The following NCOR2 variants were observed in gnomAD, a reference collection of about 807,000 sequenced individuals.
The protein encoded by NCOR2 is nuclear receptor corepressor 2, also known as CTG repeat protein 26.
In NCOR2, 81 loss-of-function variants were observed where a neutral mutation model predicts 262.9. The ratio of observed to expected loss-of-function variants is 0.31; its 90% CI spans 0.26 to 0.37. The LOEUF (loss-of-function observed/expected upper bound fraction) is 0.37. NCOR2 is among the 10% of genes least tolerant of loss of function. The probability of loss-of-function intolerance (pLI) is 1.00; values close to 1 mark genes in which losing one functional copy is unlikely to be tolerated. For missense variants in NCOR2, 3,385 were observed against 3,621.4 expected, an observed-to-expected ratio of 0.93 and a Z score of 1.68; for synonymous variants, 1,659 against 1,559.3, an observed-to-expected ratio of 1.06 and a Z score of -1.51.
At chr12:124,343,216 C>A (rs374579887) in exon 33 of NCOR2, 53 of 1,607,440 alleles carry the variant, frequency 3.3e-5, no homozygotes, top group Non-Finnish European at 4.3e-5. Flanking sequence ...CCTTGCTGGA[C>A]GAAAGGCTGC....
intron 7 of NCOR2, among the ~76,000 whole-genome samples, chr12:124,446,587 G>A (rs1232891384): frequency 1.3e-5 from 2 of 152,080 alleles, no homozygotes; most frequent in African/African-American, 4.8e-5. Flanking sequence ...GCCAGCTGCT[G>A]CTCAGCCTAC....
chr12:124,467,886 ATCACCCTCT>A (rs2046554986), intron 4 of NCOR2, among the ~76,000 whole-genome samples: 1 of 35,804 alleles, frequency 2.8e-5, no homozygotes, highest in Non-Finnish European at 5.0e-5. Context: ...CCTCATCCTC[ATCACCCTCT>A]TCACCCTCAT....
At chr12:124,439,816 G>A (rs1309151397) in intron 7 of NCOR2, among the ~76,000 whole-genome samples, 1 of 151,976 alleles carries the variant, frequency 6.6e-6, no homozygotes, top group Non-Finnish European at 1.5e-5. Flanking sequence ...ATGAAACTAG[G>A]AGAGGGAAAG....
At chr12:124,385,450 GAC>G (rs2040735747) in intron 17 of NCOR2, among the ~76,000 whole-genome samples, 1 of 152,230 alleles carries the variant, frequency 6.6e-6, no homozygotes, top group African/African-American at 2.4e-5. Context: ...CACACCGTGA[GAC>G]AGGGCTGAGG....
intron 18 of NCOR2, among the ~76,000 whole-genome samples, chr12:124,375,141 G>A (rs2039887689): frequency 6.6e-6 from 1 of 152,242 alleles, no homozygotes; most frequent in Non-Finnish European, 1.5e-5. Context: ...AGGCCACGCT[G>A]TGGAGGGGAG....
At chr12:124,372,134 C>T (rs767851551) in exon 20 of NCOR2, 10 of 1,601,730 alleles carry the variant, frequency 6.2e-6, no homozygotes, top group South Asian at 1.1e-5. Flanking sequence ...CTGCCGCTCC[C>T]GCCCTCCTTC....
At chr12:124,354,849 G>A (rs1250252045) in exon 25 of NCOR2, 1 of 1,612,600 alleles carries the variant, frequency 6.2e-7, no homozygotes, top group South Asian at 1.1e-5. Context: ...AGCTTTTTGG[G>A]GTCCATGGGC....
In NCOR2 at chr12:124,483,373, C is replaced by G. The variant is rs1224044584; in HGVS notation, c.411+223G>C. Among the ~76,000 whole-genome samples, 1 of 152,166 alleles carries G rather than the reference C, an allele frequency of 6.6e-6. No individual in the cohort carries two copies. Among genetic ancestry groups the G allele is most frequent in the East Asian group, 1.9e-4 (1 of 5,184 alleles). ...CCTTTGCACTTGCTGCTCTGCCCAC[C>G]TGGAACACCTTCCCCACTTCTTCCC... On this transcript the variant is annotated intron_variant, in intron 3 of 46. Transcript: ENST00000405201. This position sits in a 1 kb window ranked among gnomAD's most constrained non-coding sequence, Gnocchi z 6.3.
chr12:124,441,765 G>A (rs2044825436), intron 7 of NCOR2, among the ~76,000 whole-genome samples: 1 of 152,232 alleles, frequency 6.6e-6, no homozygotes, highest in Admixed American at 6.5e-5. Flanking sequence ...CAGAGCAAAG[G>A]AGGGATAACT....
chr12:124,540,090 G>T (rs1306952401), upstream of NCOR2, among the ~76,000 whole-genome samples: 1 of 151,678 alleles, frequency 6.6e-6, no homozygotes, highest in African/African-American at 2.4e-5. Context: ...AAAGCTGAGG[G>T]TCTTAGGGGC....
chr12:124,350,955 C>T (rs1186722709), intron 27 of NCOR2, among the ~76,000 whole-genome samples: 3 of 152,218 alleles, frequency 2.0e-5, no homozygotes, highest in Admixed American at 1.3e-4. Flanking sequence ...CATGAGTGGA[C>T]GCTGTTCTGG....
At chr12:124,326,696 C>A (rs956014282) in intron 45 of NCOR2, among the ~76,000 whole-genome samples, 8 of 152,146 alleles carry the variant, frequency 5.3e-5, no homozygotes, top group Admixed American at 5.2e-4. Flanking sequence ...TGAAGCTGGG[C>A]TTCCAGTTTG....
At chr12:124,386,064 A>T (rs2040781066) in intron 16 of NCOR2, among the ~76,000 whole-genome samples, 177 bp from the exon 19 acceptor site, 1 of 151,906 alleles carries the variant, frequency 6.6e-6, no homozygotes. Flanking sequence ...CCTAGCGGGG[A>T]AGGTACTAGA....
rs1268835570 is a variant in NCOR2, at chr12:124,440,034, C to A, written c.816-2038G>T. Among the ~76,000 whole-genome samples the A allele has an allele frequency of 1.3e-5, 2 of 151,930 alleles. 1 individual carries two copies. The highest frequency in any genetic ancestry group is 3.9e-4 in the East Asian group (2 of 5,156). ...CCAGGCCCCTCCCCACGGTCTCCAA[C>A]ACACAAAGCAGGGTGCTGCAGCTGG... is the stretch of plus-strand genomic sequence containing the variant. On this transcript the variant is annotated intron_variant, in intron 7 of 46. Coordinates refer to ENST00000405201, the Ensembl canonical transcript of NCOR2. This position sits in a 1 kb window ranked among gnomAD's most constrained non-coding sequence, Gnocchi z 5.7.
At chr12:124,532,857 C>T (rs1417873625) in intron 1 of NCOR2, among the ~76,000 whole-genome samples, 2 of 144,208 alleles carry the variant, frequency 1.4e-5, no homozygotes, top group African/African-American at 2.6e-5. Flanking sequence ...GGACCGCCAC[C>T]GTCCCACTCC....
At chr12:124,444,484 G>A (rs907695165) in intron 7 of NCOR2, among the ~76,000 whole-genome samples, 8 of 152,164 alleles carry the variant, frequency 5.3e-5, no homozygotes, top group African/African-American at 1.7e-4. Context: ...ATGGGGTACT[G>A]GAAAAGGAAA....
intron 22 of NCOR2, 66 bp from the exon 25 acceptor site, chr12:124,356,848 G>T: frequency 7.1e-7 from 1 of 1,415,112 alleles, no homozygotes; most frequent in Non-Finnish European, 9.2e-7. Context: ...GGGAGCCCTG[G>T]CTGACCCTAC....
At chr12:124,562,721 C>T (rs1408625764) in intron 1 of NCOR2, among the ~76,000 whole-genome samples, 1 of 152,304 alleles carries the variant, frequency 6.6e-6, no homozygotes, top group South Asian at 2.1e-4. Context: ...CAAGCCGAAG[C>T]CTGGGGCTCT....
chr12:124,349,506 T>G (rs2037247351), intron 28 of NCOR2, among the ~76,000 whole-genome samples: 1 of 152,038 alleles, frequency 6.6e-6, no homozygotes, highest in African/African-American at 2.4e-5. Context: ...AAAACGGAGA[T>G]GAGAAACCTG....
Sources: gnomAD v4.1 joint callset for allele counts (sites outside exome capture counted in the v4.1 genomes callset) on GRCh38, gnomAD v4.1.1 for gene constraint, Gnocchi (gnomAD v3.1) non-coding constraint, MANE v1.5 for transcripts, NCBI Gene and HGNC (gene_info 2026-07-23, HGNC 2026-07-21) for gene names.